The following CNTNAP5 variants were observed in gnomAD, a reference collection of about 807,000 sequenced individuals.
CNTNAP5 encodes the protein contactin-associated protein-like 5.
CNTNAP5 carries 72 observed loss-of-function variants against 150.2 expected under a neutral mutation model. The observed-to-expected ratio is 0.48, with a 90% CI of 0.40 to 0.58. The LOEUF (loss-of-function observed/expected upper bound fraction) is 0.58. CNTNAP5 is among the 20% of genes least tolerant of loss of function. The pLI is 0.00. For missense variants in CNTNAP5, 1,636 were observed against 1,626.2 expected, an observed-to-expected ratio of 1.01 and a Z score of -0.10; for synonymous variants, 672 against 619.8, an observed-to-expected ratio of 1.08 and a Z score of -1.25.
At chr2:124,311,680 T>C (rs1573908342) in intron 3 of CNTNAP5, among the ~76,000 whole-genome samples, 1 of 152,204 alleles carries the variant, frequency 6.6e-6, no homozygotes, top group East Asian at 1.9e-4. Flanking sequence ...TTAGGTTCTC[T>C]AATTTTCTAA....
intron 14 of CNTNAP5, among the ~76,000 whole-genome samples, chr2:124,752,807 C>CA: frequency 6.6e-6 from 1 of 152,238 alleles, no homozygotes; most frequent in East Asian, 1.9e-4. Context: ...GGTGACAGCT[C>CA]TGGGTTGCAG....
At chr2:124,850,259 G>T (rs972909770) in intron 19 of CNTNAP5, among the ~76,000 whole-genome samples, 1 of 152,094 alleles carries the variant, frequency 6.6e-6, no homozygotes, top group Non-Finnish European at 1.5e-5. Context: ...GTAAAATAAG[G>T]TCTTAACAGA....
intron 3 of CNTNAP5, among the ~76,000 whole-genome samples, chr2:124,386,497 G>A (rs1690930093): frequency 6.6e-6 from 1 of 152,210 alleles, no homozygotes; most frequent in African/African-American, 2.4e-5. Context: ...TAGTTGAACG[G>A]CATTTCTGCC....
chr2:124,763,542 C>A, intron 14 of CNTNAP5, 130 bp from the exon 15 acceptor site: 1 of 750,670 alleles, frequency 1.3e-6, no homozygotes, highest in Non-Finnish European at 2.2e-6. Flanking sequence ...GAAAGGCCTT[C>A]TGTTTTCCCC....
intron 5 of CNTNAP5, among the ~76,000 whole-genome samples, chr2:124,436,188 T>G (rs1421569846): frequency 6.6e-6 from 1 of 152,138 alleles, no homozygotes; most frequent in African/African-American, 2.4e-5. Context: ...GTAAAGCGAG[T>G]GTCTTCTACT....
chr2:124,704,927 C>G (rs1281854467), intron 13 of CNTNAP5, among the ~76,000 whole-genome samples: 1 of 152,096 alleles, frequency 6.6e-6, no homozygotes, highest in Non-Finnish European at 1.5e-5. Flanking sequence ...TAAAATACCA[C>G]TTTTTCTAGG....
At chr2:124,087,117 A>T (rs534683154) in intron 1 of CNTNAP5, among the ~76,000 whole-genome samples, 1 of 151,792 alleles carries the variant, frequency 6.6e-6, no homozygotes, top group South Asian at 2.1e-4. Flanking sequence ...GCCTTTGGTC[A>T]TATAATTGTT....
At chr2:124,499,364 G>A (rs1694224369) in intron 7 of CNTNAP5, among the ~76,000 whole-genome samples, 1 of 152,184 alleles carries the variant, frequency 6.6e-6, no homozygotes, top group African/African-American at 2.4e-5. Context: ...TAAGCCCATG[G>A]AGAAGGCAGC....
chr2:124,465,732 C>T (rs985613913), intron 6 of CNTNAP5, among the ~76,000 whole-genome samples: 1 of 152,080 alleles, frequency 6.6e-6, no homozygotes, highest in African/African-American at 2.4e-5. Flanking sequence ...TGAAATATCT[C>T]AATGCAAAAG....
At chr2:124,176,425 C>A (rs184503633) in intron 1 of CNTNAP5, among the ~76,000 whole-genome samples, 1 of 152,126 alleles carries the variant, frequency 6.6e-6, no homozygotes, top group African/African-American at 2.4e-5. Flanking sequence ...AGGAAGCACT[C>A]AATTGGATAG....
intron 3 of CNTNAP5, among the ~76,000 whole-genome samples, chr2:124,291,114 G>A (rs780016): frequency 0.75 from 114,217 of 151,848 alleles, 43,316 homozygotes; most frequent in South Asian, 0.87. Context: ...TAATCTTGTA[G>A]TAATTATTGT....
intron 2 of CNTNAP5, among the ~76,000 whole-genome samples, chr2:124,223,935 A>T (rs1573848813): frequency 6.6e-6 from 1 of 151,560 alleles, no homozygotes; most frequent in Non-Finnish European, 1.5e-5. Flanking sequence ...CCCAAGGGGG[A>T]CAGCCTCTCC....
chr2:124,644,473 A>G (rs2105024015), intron 12 of CNTNAP5, among the ~76,000 whole-genome samples: 1 of 152,362 alleles, frequency 6.6e-6, no homozygotes, highest in African/African-American at 2.4e-5. Flanking sequence ...GCCAAAAACA[A>G]TATGATATTG....
At chr2:124,153,224 A>T (rs1370986262) in intron 1 of CNTNAP5, among the ~76,000 whole-genome samples, 1 of 152,242 alleles carries the variant, frequency 6.6e-6, no homozygotes, top group Admixed American at 6.5e-5. Flanking sequence ...TAGGAAAAGA[A>T]TTAGAAAGCA....
At chr2:124,392,526 T>A (rs1055864044) in intron 3 of CNTNAP5, among the ~76,000 whole-genome samples, 3 of 151,868 alleles carry the variant, frequency 2.0e-5, no homozygotes, top group South Asian at 2.1e-4. Flanking sequence ...AAGACTGAGA[T>A]TATATCACAA....
intron 6 of CNTNAP5, among the ~76,000 whole-genome samples, chr2:124,455,895 G>A (rs1693106737): frequency 6.6e-6 from 1 of 152,094 alleles, no homozygotes; most frequent in Non-Finnish European, 1.5e-5. Flanking sequence ...CGGCAACATT[G>A]GCATGCAAGG....
At chr2:124,229,898 T>A (rs2104751233) in intron 2 of CNTNAP5, among the ~76,000 whole-genome samples, 1 of 152,106 alleles carries the variant, frequency 6.6e-6, no homozygotes, top group South Asian at 2.1e-4. Flanking sequence ...ATTGCATGTT[T>A]TTTTTTTCCA....
At chr2:124,383,858 A>G (rs1171713110) in intron 3 of CNTNAP5, among the ~76,000 whole-genome samples, 1 of 152,140 alleles carries the variant, frequency 6.6e-6, no homozygotes, top group East Asian at 1.9e-4. Context: ...AACAACCAAT[A>G]TCATATTATG....
At chr2:124,161,471 G>A (rs920863945) in intron 1 of CNTNAP5, among the ~76,000 whole-genome samples, 6 of 152,096 alleles carry the variant, frequency 3.9e-5, no homozygotes, top group African/African-American at 1.2e-4. Context: ...GCACTAACAG[G>A]AACCACATGA....
Sources: allele counts gnomAD v4.1 joint callset (sites outside exome capture counted in the v4.1 genomes callset), GRCh38; gene constraint gnomAD v4.1.1; transcripts MANE v1.5; gene names NCBI Gene and HGNC (gene_info 2026-07-23, HGNC 2026-07-21).